Variants in SCLT1 observed in about 807,000 individuals in gnomAD.
SCLT1 encodes sodium channel-associated protein 1.
SCLT1 carries 78 observed loss-of-function variants against 112.8 expected under a neutral mutation model. That is an observed-to-expected ratio of 0.69 (90% CI 0.58 to 0.83). The LOEUF (loss-of-function observed/expected upper bound fraction) is 0.83. Ranked by LOEUF, SCLT1 falls within the 40% of genes least tolerant of loss-of-function variation. The pLI, the probability that SCLT1 is intolerant of heterozygous loss-of-function variation, is 0.00. For missense variants in SCLT1, 747 were observed against 770.4 expected (o/e 0.97, Z 0.36); for synonymous variants, 257 against 254.7 (o/e 1.01, Z -0.09).
chr4:128,919,748 A>AG (rs1735739142), intron 18 of SCLT1, among the ~76,000 whole-genome samples: 1 of 151,950 alleles, frequency 6.6e-6, no homozygotes, highest in African/African-American at 2.4e-5. Context: ...CAAAAAAAAA[A>AG]TAACCTCAGA....
chr4:128,949,960 G>A (rs1353127864), intron 14 of SCLT1, among the ~76,000 whole-genome samples: 1 of 118,052 alleles, frequency 8.5e-6, no homozygotes, highest in Non-Finnish European at 1.7e-5. Context: ...ATTTCAATAT[G>A]TTTTTAAATT....
chr4:129,073,365 G>A (rs1448582950), intron 2 of SCLT1, among the ~76,000 whole-genome samples: 1 of 152,134 alleles, frequency 6.6e-6, no homozygotes, highest in East Asian at 1.9e-4. Context: ...ACTTACAAAA[G>A]CTACTTGGGA....
chr4:129,088,047 A>C (rs1479070823), intron 1 of SCLT1, among the ~76,000 whole-genome samples: 2 of 151,784 alleles, frequency 1.3e-5, no homozygotes, highest in Non-Finnish European at 2.9e-5. Context: ...TGATTGTGCC[A>C]CTGCACTCCA....
chr4:129,056,760 T>C (rs1749435573), intron 2 of SCLT1, among the ~76,000 whole-genome samples: 1 of 152,184 alleles, frequency 6.6e-6, no homozygotes, highest in Non-Finnish European at 1.5e-5. Context: ...TTCCTATATA[T>C]AAGATGATGT....
At chr4:128,876,179 CTT>C (rs754549960) in intron 4 of SCLT1, among the ~76,000 whole-genome samples, 4 of 152,138 alleles carry the variant, frequency 2.6e-5, no homozygotes, top group Admixed American at 6.5e-5. Flanking sequence ...GGGTAGCTAT[CTT>C]AATCTAATTT....
chr4:128,911,465 G>C (rs938745277), intron 18 of SCLT1, among the ~76,000 whole-genome samples: 35 of 151,896 alleles, frequency 2.3e-4, no homozygotes, highest in African/African-American at 8.2e-4. Context: ...TAATTATAGA[G>C]GAATTAATAA....
intron 5 of SCLT1, among the ~76,000 whole-genome samples, chr4:129,021,453 G>C (rs280595): frequency 0.7 from 106,547 of 152,092 alleles, 40,403 homozygotes; most frequent in South Asian, 0.85. Flanking sequence ...TGAAATTTTG[G>C]TGCAAGCACA....
chr4:128,908,756 A>AGT (rs777559605), intron 18 of SCLT1, among the ~76,000 whole-genome samples: 3 of 152,212 alleles, frequency 2.0e-5, no homozygotes, highest in Non-Finnish European at 4.4e-5. Flanking sequence ...GGTAAAAGTT[A>AGT]GTGATATATA....
intron 15 of SCLT1, among the ~76,000 whole-genome samples, 200 bp downstream of exon 15, chr4:128,948,296 A>G (rs1738365973): frequency 7.2e-6 from 1 of 139,714 alleles, no homozygotes; most frequent in Non-Finnish European, 1.5e-5. Flanking sequence ...AGATCATGCC[A>G]CTGCAATCCA....
At chr4:128,965,730 C>T (rs1206584736) in intron 10 of SCLT1, among the ~76,000 whole-genome samples, 2 of 151,742 alleles carry the variant, frequency 1.3e-5, no homozygotes, top group Non-Finnish European at 2.9e-5. Context: ...ATGATTTGAC[C>T]TATATTAATA....
intron 15 of SCLT1, among the ~76,000 whole-genome samples, chr4:128,947,949 T>G (rs565923708): frequency 6.6e-6 from 1 of 152,060 alleles, no homozygotes; most frequent in Non-Finnish European, 1.5e-5. Flanking sequence ...TTTCGTAGGA[T>G]GAGGTTTAAG....
chr4:129,054,140 C>A (rs1749125168), intron 2 of SCLT1, among the ~76,000 whole-genome samples: 1 of 152,190 alleles, frequency 6.6e-6, no homozygotes, highest in African/African-American at 2.4e-5. Context: ...ATGGGCTTCC[C>A]TTTGTGGGTA....
intron 5 of SCLT1, among the ~76,000 whole-genome samples, chr4:129,028,027 G>C (rs991531212): frequency 1.3e-5 from 2 of 152,076 alleles, no homozygotes; most frequent in African/African-American, 4.8e-5. Flanking sequence ...AAATAAAAGA[G>C]GATACAAACA....
intron 17 of SCLT1, among the ~76,000 whole-genome samples, chr4:128,942,561 T>G (rs769582455): frequency 1.3e-5 from 2 of 152,108 alleles, no homozygotes; most frequent in Non-Finnish European, 2.9e-5. Context: ...CTTGCCTTCT[T>G]CCTGCCATGG....
intron 18 of SCLT1, among the ~76,000 whole-genome samples, chr4:128,909,674 T>A (rs897113609): frequency 5.3e-5 from 8 of 152,228 alleles, no homozygotes; most frequent in African/African-American, 1.7e-4. Context: ...TTTGCTGTAT[T>A]CCCATTACTT....
At chr4:128,957,906 T>C (rs1739353055) in intron 12 of SCLT1, among the ~76,000 whole-genome samples, 1 of 152,190 alleles carries the variant, frequency 6.6e-6, no homozygotes, top group South Asian at 2.1e-4. Context: ...ATCTCACTGA[T>C]CATTCCTCTT....
intron 18 of SCLT1, among the ~76,000 whole-genome samples, chr4:128,923,059 T>C (rs933498254): frequency 8.5e-5 from 13 of 152,202 alleles, no homozygotes; most frequent in African/African-American, 3.1e-4. Context: ...CTCATTGGGA[T>C]ATAATTGTGG....
intron 5 of SCLT1, among the ~76,000 whole-genome samples, chr4:129,023,404 C>G (rs1333933347): frequency 6.6e-6 from 1 of 152,146 alleles, no homozygotes; most frequent in African/African-American, 2.4e-5. Flanking sequence ...GGAGACCTAT[C>G]TCACGTGTAA....
At chr4:129,030,189 A>G (rs980725518) in intron 5 of SCLT1, among the ~76,000 whole-genome samples, 1 of 152,174 alleles carries the variant, frequency 6.6e-6, no homozygotes, top group African/African-American at 2.4e-5. Flanking sequence ...ATGGAAATTA[A>G]ACAACCTGTT....
Sources: allele counts gnomAD v4.1 joint callset (sites outside exome capture counted in the v4.1 genomes callset), GRCh38; gene constraint gnomAD v4.1.1; transcripts MANE v1.5; gene names NCBI Gene and HGNC (gene_info 2026-07-23, HGNC 2026-07-21).